The following TCAIM variants were observed in gnomAD, a reference collection of about 807,000 sequenced individuals.
The protein encoded by TCAIM is T cell activation inhibitor, mitochondrial.
Under a neutral mutation model 58.6 loss-of-function variants are expected in TCAIM, and 36 were observed. The observed-to-expected ratio is 0.61, with a 90% CI of 0.47 to 0.81. The LOEUF (loss-of-function observed/expected upper bound fraction) is 0.81, where lower values mean the gene tolerates loss of function less well. Among genes scored for constraint, TCAIM ranks in the 30% least tolerant of loss-of-function variants. The pLI is 0.00. For synonymous variants in TCAIM, 172 were observed against 193.6 expected (o/e 0.89, Z 0.93); for missense variants, 466 against 579.6 (o/e 0.80, Z 2.01).
At chr3:44,400,637 TTG>T (rs1702008780) in intron 9 of TCAIM, 50 bp downstream of exon 9, 1 of 1,496,784 alleles carries the variant, frequency 6.7e-7, no homozygotes. Context: ...TCTAGGTGGG[TTG>T]TGTGTGTAAA....
chr3:44,394,907 AAAAAAAAAAAAAAAATATATATATATAT>A (rs1417306093), intron 6 of TCAIM, among the ~76,000 whole-genome samples: 9 of 50,552 alleles, frequency 1.8e-4, no homozygotes, highest in South Asian at 2.5e-3. Context: ...AAAAAAAAAA[AAAAAAAAAAAAAAAATATATATATATAT>A]ATATATATAT....
At chr3:44,399,148 C>T (rs1388243295) in intron 8 of TCAIM, among the ~76,000 whole-genome samples, 1 of 151,978 alleles carries the variant, frequency 6.6e-6, no homozygotes, top group African/African-American at 2.4e-5. Flanking sequence ...AATACACAAA[C>T]GCATGCAAGT....
chr3:44,391,992 C>T (rs1701845722), intron 5 of TCAIM, among the ~76,000 whole-genome samples: 2 of 151,988 alleles, frequency 1.3e-5, no homozygotes, highest in African/African-American at 4.8e-5. Flanking sequence ...TTAGTTCTAC[C>T]CTCCCATATG....
At chr3:44,372,528 C>G (rs1424131531) in intron 5 of TCAIM, among the ~76,000 whole-genome samples, 1 of 151,852 alleles carries the variant, frequency 6.6e-6, no homozygotes, top group Non-Finnish European at 1.5e-5. Context: ...GGTAATTCTG[C>G]CCATTTATAT....
chr3:44,363,398 T>G (rs1282781709), intron 4 of TCAIM, among the ~76,000 whole-genome samples: 1 of 152,244 alleles, frequency 6.6e-6, no homozygotes, highest in East Asian at 1.9e-4. Context: ...TGTAACATTT[T>G]TACCTGATTA....
intron 5 of TCAIM, among the ~76,000 whole-genome samples, chr3:44,379,878 T>TA (rs949379420): frequency 6.6e-6 from 1 of 151,922 alleles, no homozygotes; most frequent in African/African-American, 2.4e-5. Context: ...AAATAAAAGT[T>TA]AAAATTATAT....
intron 4 of TCAIM, among the ~76,000 whole-genome samples, chr3:44,361,776 A>C (rs1701299809): frequency 6.6e-6 from 1 of 152,200 alleles, no homozygotes; most frequent in Non-Finnish European, 1.5e-5. Flanking sequence ...TGTTATTTTA[A>C]GTGTTAAACA....
intron 10 of TCAIM, among the ~76,000 whole-genome samples, chr3:44,406,057 C>A (rs1033723582): frequency 6.6e-6 from 1 of 151,956 alleles, no homozygotes; most frequent in African/African-American, 2.4e-5. Context: ...CAACCCTGGG[C>A]AACCTTAACA....
At chr3:44,346,920 T>G (rs939338611) in intron 1 of TCAIM, among the ~76,000 whole-genome samples, 4 of 152,108 alleles carry the variant, frequency 2.6e-5, no homozygotes. Context: ...TTTAGGGCTG[T>G]TTTTTAAGGA....
At chr3:44,356,723 T>C (rs962917640) in intron 2 of TCAIM, among the ~76,000 whole-genome samples, 8 of 149,294 alleles carry the variant, frequency 5.4e-5, no homozygotes, top group Non-Finnish European at 8.9e-5. Flanking sequence ...CCCAGTACTT[T>C]GGGAGGCTGA....
In TCAIM at chr3:44,368,577, A is replaced by G. The variant is rs1056639680; in HGVS notation, c.572+869A>G. Among the ~76,000 whole-genome samples, 9 of 152,216 alleles carry G rather than the reference A, an allele frequency of 5.9e-5. 1 individual carries two copies. Among genetic ancestry groups the G allele is most frequent in the South Asian group, 4.1e-4 (2 of 4,834 alleles). ...TGTATGTACCTACGTGTGATAGTCT[A>G]TGATATTTGTCTATATGCATAACTG... On this transcript the variant is annotated intron_variant, in intron 5 of 10. Transcript: ENST00000342649.
In TCAIM at chr3:44,389,545, TTAAAG is replaced by T. The variant is rs764411505; in HGVS notation, c.573-3306_573-3302del. ...TAAATCATGCTTTCTCTTACATAAT[TTAAAG>T]TAAGTTGAACAACATGTATTACTTA... On this transcript the variant is annotated intron_variant, in intron 5 of 10. Coordinates refer to ENST00000342649, the MANE Select transcript of TCAIM (RefSeq NM_173826.4). Among the ~76,000 whole-genome samples the T allele has an allele frequency of 2.0e-5, 3 of 152,174 alleles. No homozygotes were observed. The South Asian group carries it at 6.2e-4, about 32-fold the overall frequency.
intron 5 of TCAIM, among the ~76,000 whole-genome samples, chr3:44,391,874 C>G (rs1701841188): frequency 6.6e-6 from 1 of 152,170 alleles, no homozygotes; most frequent in Admixed American, 6.5e-5. Flanking sequence ...TCATCAGGAC[C>G]CATTGCCTCT....
intron 5 of TCAIM, among the ~76,000 whole-genome samples, chr3:44,379,794 A>T (rs556806123): frequency 6.6e-6 from 1 of 152,232 alleles, no homozygotes; most frequent in African/African-American, 2.4e-5. Context: ...GGGTGACAGG[A>T]TCAATCATAC....
rs556659919 is a variant in TCAIM, at chr3:44,357,333, A to G, written c.30-408A>G. On this transcript the variant is annotated intron_variant, in intron 2 of 10. Coordinates refer to ENST00000342649, the MANE Select transcript of TCAIM (RefSeq NM_173826.4). ...TGCACTCCAGCCTGGGCAACAAAGC[A>G]AGACTCTGTCTGAAAGAAAAAAAGA... Among the ~76,000 whole-genome samples the G allele has an allele frequency of 5.3e-5, 8 of 151,766 alleles. No individual in the cohort carries two copies. The South Asian group carries it at 1.7e-3, about 32-fold the overall frequency.
rs149806706 is a variant in TCAIM, at chr3:44,361,634, A to G, written c.319+116A>G. ...ACTTTGGTGATAGAAAAATAATAGC[A>G]TTTAATTGATTGTTTTCCTAGAATT... On this transcript the variant is annotated intron_variant, in intron 4 of 10. Coordinates refer to ENST00000342649, the MANE Select transcript of TCAIM (RefSeq NM_173826.4). The G allele has an allele frequency of 2.6e-3, 2,620 of 1,011,074 alleles. 4 individuals are homozygous for G. Among genetic ancestry groups the G allele is most frequent in the Non-Finnish European group, 3.2e-3 (2,321 of 735,764 alleles). The allele number at this position is 1,011,074 out of a possible 1,614,324, so 62.6% of individuals were successfully genotyped here.
chr3:44,407,846 GT>G lies in TCAIM; in HGVS notation c.*168del. On this transcript the variant is annotated 3_prime_UTR_variant, in exon 11 of 11. Coordinates refer to ENST00000342649, the MANE Select transcript of TCAIM (RefSeq NM_173826.4). ...AAAAAATTAATTTCTGCTAGGAGAG[GT>G]TTTATATGCCAGGCGTGGTGGCTCA... is the stretch of plus-strand genomic sequence containing the variant. 1.3e-6 allele frequency: 1 copy of G among 757,728 alleles called. No individual in the cohort carries two copies. The highest frequency in any genetic ancestry group is 1.9e-6 in the Non-Finnish European group (1 of 515,868). 46.9% of individuals were successfully genotyped at this position (757,728 alleles called of 1,614,324 possible).
intron 8 of TCAIM, among the ~76,000 whole-genome samples, chr3:44,398,106 G>C (rs919036189): frequency 4.6e-5 from 7 of 151,730 alleles, no homozygotes; most frequent in African/African-American, 1.5e-4. Context: ...CAAAGAGAAC[G>C]TACAGATGAC....
At chr3:44,371,062 G>A (rs189564458) in intron 5 of TCAIM, among the ~76,000 whole-genome samples, 223 of 151,408 alleles carry the variant, frequency 1.5e-3, no homozygotes, top group African/African-American at 5.2e-3. Context: ...GGCACACACC[G>A]TCACACCCCT....
Sources: gnomAD v4.1 joint callset for allele counts (sites outside exome capture counted in the v4.1 genomes callset) on GRCh38, gnomAD v4.1.1 for gene constraint, MANE v1.5 for transcripts, NCBI Gene and HGNC (gene_info 2026-07-23, HGNC 2026-07-21) for gene names.